Variants in COL6A6 observed in about 807,000 individuals in gnomAD.
The protein encoded by COL6A6 is collagen type VI alpha 6 chain, also known as collagen alpha-6(VI) chain.
In COL6A6, 183 loss-of-function variants were observed where a neutral mutation model predicts 208.6. The ratio of observed to expected loss-of-function variants is 0.88; its 90% CI spans 0.78 to 0.99. COL6A6 has a LOEUF of 0.99. Among genes scored for constraint, COL6A6 ranks in the 50% least tolerant of loss-of-function variants. The pLI, the probability that COL6A6 is intolerant of heterozygous loss-of-function variation, is 0.00. For missense variants in COL6A6, 2,816 were observed against 2,815.2 expected, an observed-to-expected ratio of 1.00 and a Z score of -0.01; for synonymous variants, 973 against 1,011.8, an observed-to-expected ratio of 0.96 and a Z score of 0.73.
intron 1 of COL6A6, among the ~76,000 whole-genome samples, chr3:130,520,663 G>T (rs1222224950): frequency 2.0e-5 from 3 of 152,200 alleles, no homozygotes; most frequent in East Asian, 1.9e-4. Flanking sequence ...CTCATGTAAA[G>T]CTGTAGCAGT....
At chr3:130,557,901 G>A (rs910789799) in intron 1 of COL6A6, among the ~76,000 whole-genome samples, 6 of 152,192 alleles carry the variant, frequency 3.9e-5, no homozygotes, top group Admixed American at 2.6e-4. Context: ...CTAGTTTACA[G>A]AGATCTAGAT....
At chr3:130,585,232 A>T (rs2063511339) in intron 10 of COL6A6, among the ~76,000 whole-genome samples, 1 of 152,178 alleles carries the variant, frequency 6.6e-6, no homozygotes, top group Non-Finnish European at 1.5e-5. Flanking sequence ...ACTGCCCTTT[A>T]TTCCAAGATT....
chr3:130,645,018 T>G lies in COL6A6; in HGVS notation c.5239+16T>G. The stretch of plus-strand genomic sequence containing the variant: ...GGCAGGCATGGTGAGTAATCTTTAT[T>G]TACAGCATGCTTTAATCAAGCTCTA... On this transcript the variant is annotated intron_variant, in intron 32 of 36. Transcript: ENST00000358511. 1 of 1,609,586 alleles carries G rather than the reference T, an allele frequency of 6.2e-7. No individual in the cohort carries two copies. The highest frequency in any genetic ancestry group is 8.5e-7 in the Non-Finnish European group (1 of 1,175,996).
intron 1 of COL6A6, among the ~76,000 whole-genome samples, chr3:130,527,159 G>GTC (rs2061978671): frequency 6.6e-6 from 1 of 152,198 alleles, no homozygotes; most frequent in Non-Finnish European, 1.5e-5. Context: ...TGGATAACTA[G>GTC]TCTGTTTAGC....
At chr3:130,537,515 G>C (rs758881442) in intron 1 of COL6A6, among the ~76,000 whole-genome samples, 8 of 152,208 alleles carry the variant, frequency 5.3e-5, no homozygotes, top group Non-Finnish European at 1.0e-4. Context: ...TAATACTTGA[G>C]CTAATAGAGA....
At chr3:130,582,189 G>A (rs193296803) in intron 10 of COL6A6, 121 bp downstream of exon 10, 267 of 646,326 alleles carry the variant, frequency 4.1e-4, no homozygotes, top group Non-Finnish European at 6.2e-4. Flanking sequence ...GACAATCTCC[G>A]TATTCTGTAT....
intron 1 of COL6A6, among the ~76,000 whole-genome samples, chr3:130,547,365 C>T (rs371202385): frequency 5.3e-4 from 81 of 152,382 alleles, no homozygotes; most frequent in Admixed American, 1.8e-3. Context: ...TGCGGGGGCC[C>T]GCTGAGGCGG....
chr3:130,598,344 C>A, intron 18 of COL6A6, 21 bp from the exon 19 acceptor site: 1 of 1,483,538 alleles, frequency 6.7e-7, no homozygotes, highest in South Asian at 1.2e-5. Flanking sequence ...ATTAATTTTT[C>A]TCTTTATTTT....
intron 24 of COL6A6, among the ~76,000 whole-genome samples, chr3:130,622,852 G>A (rs2064775013): frequency 1.3e-5 from 2 of 151,518 alleles, no homozygotes; most frequent in Non-Finnish European, 2.9e-5. Context: ...GCGAGACTCT[G>A]TCTCAAAGAA....
chr3:130,557,190 G>A (rs576249223), intron 1 of COL6A6, among the ~76,000 whole-genome samples: 12 of 152,254 alleles, frequency 7.9e-5, no homozygotes, highest in African/African-American at 2.6e-4. Flanking sequence ...ACACAGGAGA[G>A]TATCATTTTA....
chr3:130,601,450 G>A (rs11929479), intron 20 of COL6A6, among the ~76,000 whole-genome samples: 24,774 of 152,042 alleles, frequency 0.16, 2,830 homozygotes, highest in African/African-American at 0.31. Context: ...CAGTTTCAAC[G>A]CTTATAAAGA....
chr3:130,645,281 C>T (rs981213965), intron 32 of COL6A6, among the ~76,000 whole-genome samples: 1 of 152,102 alleles, frequency 6.6e-6, no homozygotes, highest in Non-Finnish European at 1.5e-5. Context: ...ATTCACCTTG[C>T]TTTTAAAGGT....
chr3:130,673,230 C>CCAAAAA (rs1553724898), intron 36 of COL6A6, among the ~76,000 whole-genome samples: 3 of 105,448 alleles, frequency 2.8e-5, no homozygotes, highest in East Asian at 2.8e-4. Context: ...AAAAAAAAAA[C>CCAAAAA]AAAACCCAAG....
intron 17 of COL6A6, 123 bp downstream of exon 17, chr3:130,593,375 C>A: frequency 1.3e-6 from 1 of 746,498 alleles, no homozygotes; most frequent in Non-Finnish European, 2.3e-6. Context: ...AAACCTCAAT[C>A]ACATACAACG....
At chr3:130,652,826 C>T (rs535233371) in intron 33 of COL6A6, among the ~76,000 whole-genome samples, 1 of 152,150 alleles carries the variant, frequency 6.6e-6, no homozygotes, top group Admixed American at 6.5e-5. Context: ...ATTTTAAAAC[C>T]CTAGTTTGTT....
intron 26 of COL6A6, among the ~76,000 whole-genome samples, chr3:130,627,895 A>G (rs937171291): frequency 8.5e-5 from 13 of 152,362 alleles, no homozygotes; most frequent in Admixed American, 2.0e-4. Flanking sequence ...TATACTAGCA[A>G]TCACCACTAA....
At position 130,649,223 on chromosome 3, in the gene COL6A6, G is replaced by C. The variant is rs1301588642; in HGVS notation, c.5394G>C (p.Ala1798=). 1.3e-6 allele frequency: 2 copies of C among 1,591,366 alleles called. No homozygotes were observed. The highest frequency in any genetic ancestry group is 2.7e-5 in the African/African-American group (2 of 74,366). Residue 1798 remains alanine (A), a synonymous_variant, in exon 33 of 37, where the codon GCG becomes GCC. Transcript: ENST00000358511. The part of the protein sequence containing the change: ...KVRENSCPVG[A]HIAILSYNSH... ...GGGAGAACAGCTGCCCCGTGGGAGC[G>C]CACATCGCCATCCTCTCCTATAACT...
chr3:130,566,374 A>G (rs193039959), intron 4 of COL6A6, among the ~76,000 whole-genome samples: 58 of 152,272 alleles, frequency 3.8e-4, no homozygotes, highest in Middle Eastern at 3.4e-3. Flanking sequence ...TTCCCAACAC[A>G]CTACTTGACT....
intron 26 of COL6A6, among the ~76,000 whole-genome samples, chr3:130,628,873 C>G (rs188748324): frequency 9.0e-6 from 1 of 111,092 alleles, no homozygotes; most frequent in African/African-American, 5.4e-5. Context: ...CCAGAAAGGA[C>G]ATCTACACCG....
Sources: allele counts gnomAD v4.1 joint callset (sites outside exome capture counted in the v4.1 genomes callset), GRCh38; gene constraint gnomAD v4.1.1; transcripts MANE v1.5; gene names NCBI Gene and HGNC (gene_info 2026-07-23, HGNC 2026-07-21).